MAPK10: variants seen among roughly 807,000 people sequenced by gnomAD.
The protein encoded by MAPK10 is mitogen-activated protein kinase 10, also known as JNK3 alpha protein kinase.
A neutral mutation model predicts 59.3 loss-of-function variants in MAPK10; 25 were observed. That is an observed-to-expected ratio of 0.42 (90% CI 0.31 to 0.59). The LOEUF (loss-of-function observed/expected upper bound fraction) is 0.59, where lower values mean the gene tolerates loss of function less well. Ranked by LOEUF, MAPK10 falls within the 20% of genes least tolerant of loss-of-function variation. The probability of loss-of-function intolerance (pLI) is 0.15; values close to 1 mark genes in which losing one functional copy is unlikely to be tolerated. For missense variants in MAPK10, 351 were observed against 568.9 expected (o/e 0.62, Z 3.90); for synonymous variants, 190 against 200.5 (o/e 0.95, Z 0.44).
At chr4:86,552,048 A>C (rs1436432706) in intron 1 of MAPK10, among the ~76,000 whole-genome samples, 1 of 152,168 alleles carries the variant, frequency 6.6e-6, no homozygotes, top group Non-Finnish European at 1.5e-5. Flanking sequence ...ATTAAAAATA[A>C]TTTGAATGGA....
At chr4:86,252,444 GC>G (rs1021697833) in intron 2 of MAPK10, among the ~76,000 whole-genome samples, 3 of 126,992 alleles carry the variant, frequency 2.4e-5, no homozygotes, top group African/African-American at 1.1e-4. Flanking sequence ...TTTCCCCATT[GC>G]TTGTTTTTCT....
In MAPK10 at chr4:86,429,156, C is replaced by G. The variant is rs1747699781; in HGVS notation, c.-122+23874G>C. On this transcript the variant is annotated intron_variant, in intron 1 of 13. Coordinates refer to the MAPK10 transcript ENST00000361569. ...TATCTGGGCCTGCCGCTTGCTTCCT[C>G]AGCACAATTGAACACATAATTACTA... 2.0e-5 allele frequency among the ~76,000 whole-genome samples: 3 copies of G among 152,062 alleles called. No individual in the cohort carries two copies. In the South Asian group the frequency reaches 6.2e-4, roughly 32 times the overall value.
intron 13 of MAPK10, among the ~76,000 whole-genome samples, chr4:86,022,762 G>C (rs1213493680): frequency 1.3e-5 from 2 of 152,108 alleles, no homozygotes; most frequent in African/African-American, 4.8e-5. Flanking sequence ...TCCGATTTCT[G>C]CCTCCCAAAA....
chr4:86,369,142 C>T (rs1021394023), intron 1 of MAPK10, among the ~76,000 whole-genome samples: 6 of 152,176 alleles, frequency 3.9e-5, no homozygotes, highest in South Asian at 4.1e-4. Flanking sequence ...TCCCACTCTG[C>T]GGCAATTCCT....
intron 9 of MAPK10, chr4:86,089,093 T>G: frequency 1.3e-6 from 1 of 772,582 alleles, no homozygotes; most frequent in African/African-American, 1.7e-5. Context: ...TTGAGTCTCA[T>G]AGAAACTCTC....
intron 9 of MAPK10, among the ~76,000 whole-genome samples, chr4:86,097,141 TA>T (rs1415082790): frequency 1.1e-4 from 17 of 152,042 alleles, no homozygotes; most frequent in Non-Finnish European, 1.6e-4. Context: ...TACATGCTTT[TA>T]AAAATATCTT....
chr4:86,464,900 G>C (rs939540314), intron 1 of MAPK10, among the ~76,000 whole-genome samples: 1 of 152,094 alleles, frequency 6.6e-6, no homozygotes, highest in African/African-American at 2.4e-5. Flanking sequence ...TGACTGCAGG[G>C]AATCAAATGG....
At chr4:86,225,395 G>A (rs1000056809) in intron 2 of MAPK10, among the ~76,000 whole-genome samples, 6 of 152,126 alleles carry the variant, frequency 3.9e-5, no homozygotes, top group African/African-American at 1.4e-4. Flanking sequence ...TGGTAGACAT[G>A]TAGTCACAAT....
At chr4:86,466,774 T>C (rs4693146) in intron 1 of MAPK10, among the ~76,000 whole-genome samples, 1,529 of 152,284 alleles carry the variant, frequency 0.01, 72 homozygotes, top group Admixed American at 0.09. Flanking sequence ...CCTAGTGTGG[T>C]TGATTGTACC....
intron 1 of MAPK10, among the ~76,000 whole-genome samples, chr4:86,459,792 A>G (rs1472336149): frequency 1.3e-5 from 2 of 152,166 alleles, no homozygotes; most frequent in African/African-American, 4.8e-5. Flanking sequence ...GTGAGGGATA[A>G]AAGATCACAA....
At chr4:86,379,407 T>G (rs1224754513) in intron 1 of MAPK10, among the ~76,000 whole-genome samples, 1 of 152,210 alleles carries the variant, frequency 6.6e-6, no homozygotes, top group Non-Finnish European at 1.5e-5. Context: ...ACTGAACTTC[T>G]TTTCTGTTGG....
chr4:86,571,992 T>G (rs952180136), intron 1 of MAPK10, among the ~76,000 whole-genome samples: 1 of 152,272 alleles, frequency 6.6e-6, no homozygotes, highest in East Asian at 1.9e-4. Context: ...ATTATTAGGC[T>G]GAATTTTGTC....
At chr4:86,483,540 C>A (rs561419589) in intron 1 of MAPK10, among the ~76,000 whole-genome samples, 1 of 151,640 alleles carries the variant, frequency 6.6e-6, no homozygotes, top group South Asian at 2.1e-4. Flanking sequence ...GCAAACATCA[C>A]GCTATAATTA....
At chr4:86,444,953 GC>G (rs1199451485) in intron 1 of MAPK10, among the ~76,000 whole-genome samples, 2 of 152,080 alleles carry the variant, frequency 1.3e-5, no homozygotes, top group African/African-American at 4.8e-5. Context: ...AAATAGGAAT[GC>G]TTTTACACTG....
At chr4:86,577,881 A>G (rs757371532) in intron 1 of MAPK10, among the ~76,000 whole-genome samples, 1 of 152,154 alleles carries the variant, frequency 6.6e-6, no homozygotes, top group Non-Finnish European at 1.5e-5. Context: ...AAATATTTAT[A>G]GAATATTTAT....
chr4:86,106,940 A>C (rs2056653397), intron 5 of MAPK10: 1 of 186,286 alleles, frequency 5.4e-6, no homozygotes, highest in African/African-American at 2.3e-5. Flanking sequence ...TCTTTCTTGA[A>C]GCTCTCAATT....
chr4:86,018,539 T>C (rs2589506), intron 13 of MAPK10, among the ~76,000 whole-genome samples: 78,506 of 151,978 alleles, frequency 0.52, 22,020 homozygotes, highest in African/African-American at 0.74. Flanking sequence ...AACCTGCCCA[T>C]GGTAATCACT....
intron 1 of MAPK10, among the ~76,000 whole-genome samples, chr4:86,394,664 G>C (rs1447615984): frequency 1.3e-5 from 2 of 152,128 alleles, no homozygotes; most frequent in African/African-American, 4.8e-5. Context: ...AATGACTCGT[G>C]GAAAGGGATG....
intron 1 of MAPK10, among the ~76,000 whole-genome samples, chr4:86,556,093 C>T (rs986584734): frequency 1.8e-4 from 27 of 152,192 alleles, no homozygotes; most frequent in African/African-American, 6.5e-4. Flanking sequence ...CCAAACACCT[C>T]CTGTGCCGTT....
Sources: gnomAD v4.1 joint callset for allele counts (sites outside exome capture counted in the v4.1 genomes callset) on GRCh38, gnomAD v4.1.1 for gene constraint, MANE v1.5 for transcripts, NCBI Gene and HGNC (gene_info 2026-07-23, HGNC 2026-07-21) for gene names.